Variants in VKORC1L1 observed in about 807,000 individuals in gnomAD.
VKORC1L1 encodes the protein vitamin K epoxide reductase complex subunit 1-like protein 1.
In VKORC1L1, 2 loss-of-function variants were observed where a neutral mutation model predicts 18.9. The observed-to-expected ratio is 0.11, with a 90% CI of 0.04 to 0.33. The LOEUF (loss-of-function observed/expected upper bound fraction) is 0.33, where lower values mean the gene tolerates loss of function less well. Among genes scored for constraint, VKORC1L1 ranks in the 10% least tolerant of loss-of-function variants. The probability of loss-of-function intolerance (pLI) is 1.00; values close to 1 mark genes in which losing one functional copy is unlikely to be tolerated. For synonymous variants in VKORC1L1, 96 were observed against 100.0 expected, an observed-to-expected ratio of 0.96 and a Z score of 0.24; for missense variants, 123 against 224.1, an observed-to-expected ratio of 0.55 and a Z score of 2.88.
At position 65,945,590 on chromosome 7, in the gene VKORC1L1, C is replaced by T. The variant is rs534380388; in HGVS notation, c.195-3081C>T. Among the ~76,000 whole-genome samples the T allele has an allele frequency of 1.9e-3, 287 of 151,458 alleles. 3 individuals carry two copies. Among genetic ancestry groups the T allele is most frequent in the African/African-American group, 6.7e-3 (278 of 41,202 alleles). ...TCGCGCCACTGCACTCCAGCCTGGG[C>T]GACACGAATGAGACTCCGTCTCAAA... On this transcript the variant is annotated intron_variant, in intron 1 of 2. Coordinates refer to ENST00000360768, the MANE Select transcript of VKORC1L1 (RefSeq NM_173517.6).
At chr7:65,928,859 G>A (rs1789809717) in intron 1 of VKORC1L1, among the ~76,000 whole-genome samples, 2 of 152,170 alleles carry the variant, frequency 1.3e-5, no homozygotes, top group Admixed American at 1.3e-4. Context: ...CCAGCAATGT[G>A]TGAGAGTTTC....
intron 1 of VKORC1L1, among the ~76,000 whole-genome samples, chr7:65,921,706 G>C (rs1196867087): frequency 6.6e-6 from 1 of 152,084 alleles, no homozygotes; most frequent in Non-Finnish European, 1.5e-5. Flanking sequence ...AAATTAGCCG[G>C]GCGTGGTGGC....
chr7:65,872,368 A>C (rs1583814656), upstream of VKORC1L1, among the ~76,000 whole-genome samples: 1 of 151,134 alleles, frequency 6.6e-6, no homozygotes, highest in Non-Finnish European at 1.5e-5. Context: ...GCTGGAGTGC[A>C]GTGGCACGAT....
chr7:65,952,524 G>A (rs1790228346), intron 2 of VKORC1L1, among the ~76,000 whole-genome samples: 1 of 151,552 alleles, frequency 6.6e-6, no homozygotes, highest in Non-Finnish European at 1.5e-5. Context: ...TCTTCTTGTT[G>A]CATTTTTTTT....
intron 1 of VKORC1L1, among the ~76,000 whole-genome samples, chr7:65,886,884 C>G (rs1327381241): frequency 9.0e-6 from 1 of 110,508 alleles, no homozygotes; most frequent in African/African-American, 3.4e-5. Flanking sequence ...GATTGTTACT[C>G]TGTCGCCCAA....
chr7:65,895,613 A>G (rs1269233431), intron 1 of VKORC1L1, among the ~76,000 whole-genome samples: 4 of 149,764 alleles, frequency 2.7e-5, no homozygotes, highest in East Asian at 1.9e-4. Context: ...TAAAGTTTAT[A>G]TGAAAGAACG....
chr7:65,879,552 C>T (rs1055106458), intron 1 of VKORC1L1, among the ~76,000 whole-genome samples: 1 of 152,160 alleles, frequency 6.6e-6, no homozygotes, highest in Non-Finnish European at 1.5e-5. Context: ...AACTGAGCAA[C>T]GCAGACTAAC....
intron 1 of VKORC1L1, among the ~76,000 whole-genome samples, chr7:65,900,697 C>T (rs1289608584): frequency 6.6e-6 from 1 of 152,112 alleles, no homozygotes; most frequent in East Asian, 1.9e-4. Flanking sequence ...CCCAGCTACT[C>T]GGGAGGCTAA....
intron 1 of VKORC1L1, among the ~76,000 whole-genome samples, chr7:65,915,037 C>G (rs924739925): frequency 4.0e-5 from 6 of 151,780 alleles, no homozygotes; most frequent in Non-Finnish European, 8.8e-5. Context: ...ATACTTAACT[C>G]TCCCTCTTCG....
At chr7:65,897,676 G>T (rs1789237907) in intron 1 of VKORC1L1, among the ~76,000 whole-genome samples, 1 of 151,182 alleles carries the variant, frequency 6.6e-6, no homozygotes, top group Admixed American at 6.6e-5. Context: ...GACATGAGGG[G>T]ATTTTGGAGG....
intron 1 of VKORC1L1, among the ~76,000 whole-genome samples, chr7:65,913,665 TGTG>T (rs1439096465): frequency 7.3e-6 from 1 of 137,808 alleles, no homozygotes; most frequent in East Asian, 2.1e-4. Flanking sequence ...GGTTGGAGGT[TGTG>T]GTGAGCCGAG....
chr7:65,903,469 G>A lies in VKORC1L1; in HGVS notation c.194+29904G>A, dbSNP rs555954818. Among the ~76,000 whole-genome samples the A allele has an allele frequency of 6.6e-4, 101 of 152,206 alleles. 2 individuals are homozygous for A. Among genetic ancestry groups the A allele is most frequent in the Middle Eastern group, 6.8e-3 (2 of 294 alleles). ...TATGAGCCACTGTGCCCAGCCTGGA[G>A]AGACACCTTTAAAGTGCTTTTTAAA... On this transcript the variant is annotated intron_variant, in intron 1 of 2. Transcript: ENST00000360768.
intron 1 of VKORC1L1, among the ~76,000 whole-genome samples, chr7:65,902,404 G>T (rs1789333436): frequency 6.6e-6 from 1 of 152,208 alleles, no homozygotes; most frequent in South Asian, 2.1e-4. Flanking sequence ...TTGAGGCACT[G>T]CAGATCAGTG....
At chr7:65,878,756 A>T (rs1009091211) in intron 1 of VKORC1L1, among the ~76,000 whole-genome samples, 1 of 151,930 alleles carries the variant, frequency 6.6e-6, no homozygotes, top group African/African-American at 2.4e-5. Context: ...TACAAAAAAA[A>T]TTAGCCAGAC....
At chr7:65,926,142 AATTATTATTATTATTATT>A (rs58145133) in intron 1 of VKORC1L1, among the ~76,000 whole-genome samples, 1 of 146,706 alleles carries the variant, frequency 6.8e-6, no homozygotes, top group Non-Finnish European at 1.5e-5. Flanking sequence ...AATTTTAATG[AATTATTATTATTATTATT>A]ATTATTATTA....
intron 1 of VKORC1L1, among the ~76,000 whole-genome samples, chr7:65,898,705 A>G (rs1401436566): frequency 1.3e-5 from 2 of 152,222 alleles, no homozygotes; most frequent in Admixed American, 1.3e-4. Context: ...GATAAAATAC[A>G]TGTAGCAAAA....
Position 65,886,617 on chromosome 7 carries a change from A to C in VKORC1L1, c.194+13052A>C, listed in dbSNP as rs566639979. ...CAGTGGTGCAATCTCGGCTCACTGC[A>C]ACCTCCGCCTCCCGAGTTCACGCCG... On this transcript the variant is annotated intron_variant, in intron 1 of 2. Coordinates refer to ENST00000360768, the MANE Select transcript of VKORC1L1 (RefSeq NM_173517.6). 1.6e-3 allele frequency among the ~76,000 whole-genome samples: 249 copies of C among 152,064 alleles called. 1 individual carries two copies. Among genetic ancestry groups the C allele is most frequent in the Middle Eastern group, 0.01 (3 of 294 alleles).
chr7:65,892,036 A>G (rs1005033628), intron 1 of VKORC1L1, among the ~76,000 whole-genome samples: 3 of 152,102 alleles, frequency 2.0e-5, no homozygotes, highest in African/African-American at 4.8e-5. Context: ...AGAACATGCA[A>G]TGTTCATCTT....
chr7:65,905,949 A>T (rs1789398960), intron 1 of VKORC1L1, among the ~76,000 whole-genome samples: 1 of 152,088 alleles, frequency 6.6e-6, no homozygotes, highest in Non-Finnish European at 1.5e-5. Context: ...CTAAAACATA[A>T]AACGTATACA....
Sources: gnomAD v4.1 joint callset for allele counts (sites outside exome capture counted in the v4.1 genomes callset) on GRCh38, gnomAD v4.1.1 for gene constraint, MANE v1.5 for transcripts, NCBI Gene and HGNC (gene_info 2026-07-23, HGNC 2026-07-21) for gene names.